Variants in VWA3A observed in about 807,000 individuals in gnomAD.
The protein encoded by VWA3A is von Willebrand factor A domain containing 3A.
A neutral mutation model predicts 160.4 loss-of-function variants in VWA3A; 134 were observed. The observed-to-expected ratio is 0.84, with a 90% CI of 0.73 to 0.96. The LOEUF is 0.96. Ranked by LOEUF, VWA3A falls within the 40% of genes least tolerant of loss-of-function variation. The pLI is 0.00. For synonymous variants in VWA3A, 476 were observed against 543.4 expected (o/e 0.88, Z 1.72); for missense variants, 1,310 against 1,447.9 (o/e 0.90, Z 1.55).
intron 19 of VWA3A, 90 bp from the exon 20 acceptor site, chr16:22,132,810 T>C: frequency 7.6e-7 from 1 of 1,319,740 alleles, no homozygotes. Context: ...GAGAAGGCCC[T>C]GGAGAAACAT....
At chr16:22,114,391 C>T (rs373080246) in intron 8 of VWA3A, among the ~76,000 whole-genome samples, 6 of 152,260 alleles carry the variant, frequency 3.9e-5, no homozygotes, top group South Asian at 2.1e-4. Flanking sequence ...TTCTTAGGGT[C>T]GCGGAATTAA....
chr16:22,146,148 A>G lies in VWA3A; in HGVS notation c.2731-88A>G, dbSNP rs920185270. ...ACAAATATTTTGAGAATTGTTAACC[A>G]CAATGGAATAAACAATTTTAGGGGG... On this transcript the variant is annotated intron_variant, in intron 26 of 33. Coordinates refer to ENST00000389398, the MANE Select transcript of VWA3A (RefSeq NM_173615.5). 33 of 1,092,546 alleles carry G rather than the reference A, an allele frequency of 3.0e-5. 1 individual carries two copies. In the South Asian group the frequency reaches 4.6e-4, roughly 15 times the overall value. 67.7% of individuals were successfully genotyped at this position (1,092,546 alleles called of 1,614,324 possible).
chr16:22,112,683 A>G (rs1368242834), intron 8 of VWA3A, among the ~76,000 whole-genome samples: 1 of 152,198 alleles, frequency 6.6e-6, no homozygotes, highest in Non-Finnish European at 1.5e-5. Flanking sequence ...TGGTTGTGCT[A>G]CTGTACTTCA....
intron 11 of VWA3A, 92 bp from the exon 12 acceptor site, chr16:22,118,810 T>C: frequency 6.5e-7 from 1 of 1,539,434 alleles, no homozygotes; most frequent in Non-Finnish European, 8.9e-7. Flanking sequence ...ACCCTCTGCC[T>C]GGGCATTGGC....
At chr16:22,107,567 C>G (rs1419198902) in intron 6 of VWA3A, among the ~76,000 whole-genome samples, 1 of 151,978 alleles carries the variant, frequency 6.6e-6, no homozygotes, top group Non-Finnish European at 1.5e-5. Flanking sequence ...TGCAGTAAGA[C>G]CCTATCTCTA....
rs185393151 is a variant in VWA3A, at chr16:22,102,884, G to A, written c.429-591G>A. Among the ~76,000 whole-genome samples the A allele has an allele frequency of 7.9e-5, 12 of 152,200 alleles. 1 individual carries two copies. The South Asian group carries it at 1.9e-3, about 24-fold the overall frequency. Reference sequence around the variant, plus strand: ...AGTGAGCTATGTGGAGAAAGGAGACGAGGTTACATGAGCAGGTTGAAGTCT... The same window carrying A: ...AGTGAGCTATGTGGAGAAAGGAGACAAGGTTACATGAGCAGGTTGAAGTCT... On this transcript the variant is annotated intron_variant, in intron 5 of 33. Coordinates refer to ENST00000389398, the MANE Select transcript of VWA3A (RefSeq NM_173615.5).
intron 6 of VWA3A, among the ~76,000 whole-genome samples, chr16:22,104,883 C>T (rs770995176): frequency 6.6e-6 from 1 of 152,026 alleles, no homozygotes; most frequent in Non-Finnish European, 1.5e-5. Flanking sequence ...AAAGCAGATG[C>T]TAAAAGTCAT....
At position 22,130,104 on chromosome 16, in the gene VWA3A, C is replaced by T. The variant is rs551454507; in HGVS notation, c.1653-1101C>T. ...TCAGGTGGCTGAGGCATAAGAATCACTTGACCCAGATTTATTATCCAACGA... is the reference window on the plus strand; with the variant it reads ...TCAGGTGGCTGAGGCATAAGAATCATTTGACCCAGATTTATTATCCAACGA... On this transcript the variant is annotated intron_variant, in intron 17 of 33. Transcript: ENST00000389398. Among the ~76,000 whole-genome samples the T allele has an allele frequency of 2.6e-5, 4 of 152,266 alleles. No homozygotes were observed. In the East Asian group the frequency reaches 7.7e-4, roughly 29 times the overall value.
intron 9 of VWA3A, among the ~76,000 whole-genome samples, chr16:22,115,971 GGAGAGAGAGA>G (rs71769438): frequency 3.3e-5 from 2 of 60,590 alleles, no homozygotes; most frequent in Non-Finnish European, 5.8e-5. Context: ...AGGGAGGGAG[GGAGAGAGAGA>G]GAGAGAGAGG....
chr16:22,112,753 T>C (rs2045570643), intron 8 of VWA3A, among the ~76,000 whole-genome samples: 1 of 151,918 alleles, frequency 6.6e-6, no homozygotes, highest in African/African-American at 2.4e-5. Context: ...AAAAAGCATG[T>C]GCTTAGATTT....
At chr16:22,127,729 C>T (rs1018537670) in intron 17 of VWA3A, among the ~76,000 whole-genome samples, 1 of 152,214 alleles carries the variant, frequency 6.6e-6, no homozygotes, top group Non-Finnish European at 1.5e-5. Flanking sequence ...GAACCAGTCC[C>T]TGTGCCAGGC....
At chr16:22,138,299 G>GTA (rs922129677) in intron 21 of VWA3A, 61 bp from the exon 22 acceptor site, 3 of 1,515,456 alleles carry the variant, frequency 2.0e-6, no homozygotes, top group Non-Finnish European at 2.7e-6. Context: ...TGCTGTGTGT[G>GTA]TGTGTGTGTG....
At chr16:22,096,653 G>C (rs1000751248) in intron 1 of VWA3A, among the ~76,000 whole-genome samples, 5 of 152,080 alleles carry the variant, frequency 3.3e-5, no homozygotes, top group African/African-American at 1.2e-4. Flanking sequence ...ATTGAGGTGG[G>C]AGGATTGCTT....
intron 6 of VWA3A, among the ~76,000 whole-genome samples, chr16:22,106,649 A>C (rs1224940980): frequency 1.3e-5 from 2 of 152,148 alleles, no homozygotes; most frequent in African/African-American, 4.8e-5. Context: ...AGCAGGTTGA[A>C]GTCCGGGAGG....
chr16:22,098,803 G>A (rs945394626), intron 3 of VWA3A, among the ~76,000 whole-genome samples: 14 of 151,112 alleles, frequency 9.3e-5, no homozygotes, highest in African/African-American at 2.2e-4. Flanking sequence ...CACCAGGCAC[G>A]GTCGTTCACA....
rs1016488555 is a variant in VWA3A at position 22,156,722 on chromosome 16, G to A, written c.*705G>A. The A allele has an allele frequency of 8.5e-5, 13 of 152,304 alleles. No homozygotes were observed. The highest frequency in any genetic ancestry group is 3.1e-4 in the African/African-American group (13 of 41,540). The allele number at this position is 152,304 out of a possible 1,614,324, so 9.4% of individuals were successfully genotyped here. A position where few individuals can be genotyped will look rare whatever the true frequency, so the allele number is the denominator to read the frequency against. On this transcript the variant is annotated 3_prime_UTR_variant, in exon 34 of 34. Transcript: ENST00000389398. The stretch of plus-strand genomic sequence containing the variant: ...GAGTCACAGTCAGCCCATCCTGGGG[G>A]AAGAAGAAACAAGTGAGCCTCAGCA...
chr16:22,115,918 G>GAAGGAAGGAAGGAAGGA (rs2045630381), intron 9 of VWA3A, among the ~76,000 whole-genome samples: 7 of 31,384 alleles, frequency 2.2e-4, no homozygotes, highest in Non-Finnish European at 3.2e-4. Context: ...AGGAAGGAAG[G>GAAGGAAGGAAGGAAGGA]AAGGAAAGGA....
At position 22,144,321 on chromosome 16, in the gene VWA3A, A is replaced by G. The variant is rs978994472; in HGVS notation, c.2667A>G (p.Gln889=). 4 of 1,613,860 alleles carry G rather than the reference A, an allele frequency of 2.5e-6. No individual in the cohort carries two copies. In the African/African-American group the frequency reaches 5.3e-5, roughly 22 times the overall value. The part of the protein sequence containing the change: ...SRCMGPNCTH[Q]KSGQRSASAK... ...GCATGGGTCCCAACTGCACTCATCA[A>G]AAGTCAGGACAGAGGTCAGCATCCG... Residue 889 remains glutamine, a synonymous_variant, in exon 26 of 34, where the codon CAA becomes CAG. Coordinates refer to ENST00000389398, the MANE Select transcript of VWA3A (RefSeq NM_173615.5).
intron 8 of VWA3A, 100 bp downstream of exon 8, chr16:22,111,094 C>G: frequency 2.9e-6 from 3 of 1,025,502 alleles, no homozygotes; most frequent in Admixed American, 2.9e-5. Context: ...CCCCAGGACC[C>G]TACTAGATAA....
Sources: allele counts gnomAD v4.1 joint callset (sites outside exome capture counted in the v4.1 genomes callset), GRCh38; gene constraint gnomAD v4.1.1; transcripts MANE v1.5; gene names NCBI Gene and HGNC (gene_info 2026-07-23, HGNC 2026-07-21).